Variants in ALG14 observed in about 807,000 individuals in gnomAD.
ALG14 encodes ALG14 UDP-N-acetylglucosaminyltransferase subunit, also known as UDP-N-acetylglucosamine transferase subunit ALG14.
A neutral mutation model predicts 22.8 loss-of-function variants in ALG14; 17 were observed. That is an observed-to-expected ratio of 0.75 (90% CI 0.51 to 1.12). The LOEUF (loss-of-function observed/expected upper bound fraction) is 1.12, where lower values mean the gene tolerates loss of function less well. Ranked by LOEUF, ALG14 falls within the 50% of genes most tolerant of loss-of-function variation. The pLI is 0.00. For synonymous variants in ALG14, 89 were observed against 103.7 expected (o/e 0.86, Z 0.86); for missense variants, 288 against 271.8 (o/e 1.06, Z -0.42).
rs894253584 is a variant in ALG14 at position 94,980,378 on chromosome 1, G to A, written c.*2698C>T. ...CTACTGAGACCTTTTAGGATAGCTG[G>A]ACTGTAGATAGAAATCTTCCAGGGA... On this transcript the variant is annotated 3_prime_UTR_variant, in exon 4 of 4. Coordinates refer to ENST00000370205, the MANE Select transcript of ALG14 (RefSeq NM_144988.4). 29 of 152,178 alleles carry A rather than the reference G, an allele frequency of 1.9e-4. No individual in the cohort carries two copies. The highest frequency in any genetic ancestry group is 6.3e-4 in the African/African-American group (26 of 41,450). The allele number at this position is 152,178 out of a possible 1,614,324, so 9.4% of individuals were successfully genotyped here.
intron 3 of ALG14, among the ~76,000 whole-genome samples, chr1:94,987,117 T>C (rs1039847439): frequency 1.3e-5 from 2 of 152,124 alleles, no homozygotes; most frequent in African/African-American, 4.8e-5. Context: ...AGCTTGAGAA[T>C]GAAGCCATCA....
At chr1:95,020,954 A>G (rs983818870) in intron 3 of ALG14, among the ~76,000 whole-genome samples, 7 of 152,234 alleles carry the variant, frequency 4.6e-5, no homozygotes, top group Non-Finnish European at 8.8e-5. Flanking sequence ...CTTCAATTAA[A>G]GAAATAAAGC....
At chr1:95,057,272 G>C (rs1674967668) in intron 2 of ALG14, among the ~76,000 whole-genome samples, 1 of 151,476 alleles carries the variant, frequency 6.6e-6, no homozygotes, top group Admixed American at 6.6e-5. Context: ...TAGTCCTCCA[G>C]ATCTATGGGT....
chr1:95,046,852 CTT>C lies in ALG14; in HGVS notation c.288+18012_288+18013del, dbSNP rs369370722. Among the ~76,000 whole-genome samples the C allele has an allele frequency of 4.6e-4, 70 of 152,286 alleles. 1 individual carries two copies. In the East Asian group the frequency reaches 0.012, roughly 26 times the overall value. Reference sequence around the variant, plus strand: ...GTGGCTTACGCCTGTAATCTCAACACTTTGGGAGGCTGAGGTGGGTGGATAGC... The same window carrying C: ...GTGGCTTACGCCTGTAATCTCAACACTGGGAGGCTGAGGTGGGTGGATAGC... On this transcript the variant is annotated intron_variant, in intron 2 of 3. Coordinates refer to ENST00000370205, the MANE Select transcript of ALG14 (RefSeq NM_144988.4).
chr1:95,007,488 C>T lies in ALG14; in HGVS notation c.420+19641G>A, dbSNP rs1379417717. 2.0e-5 allele frequency among the ~76,000 whole-genome samples: 3 copies of T among 152,260 alleles called. No individual in the cohort carries two copies. In the East Asian group the frequency reaches 5.8e-4, roughly 29 times the overall value. The stretch of plus-strand genomic sequence containing the variant: ...TTGAATCTGGTATGTATCTGGAAAA[C>T]CTCTGCATTCCTGCACGTCTAGTGA... On this transcript the variant is annotated intron_variant, in intron 3 of 3. Coordinates refer to ENST00000370205, the MANE Select transcript of ALG14 (RefSeq NM_144988.4).
chr1:94,997,089 C>T (rs1311003685), intron 3 of ALG14, among the ~76,000 whole-genome samples: 1 of 152,172 alleles, frequency 6.6e-6, no homozygotes, highest in Admixed American at 6.5e-5. Context: ...AGGGAGGTGG[C>T]GGGTGGCAAA....
chr1:94,981,021 A>C lies in ALG14; in HGVS notation c.*2055T>G, dbSNP rs893085952. The C allele has an allele frequency of 2.0e-5, 3 of 152,240 alleles. No individual in the cohort carries two copies. Among genetic ancestry groups the C allele is most frequent in the South Asian group, 4.1e-4 (2 of 4,830 alleles). 9.4% of individuals were successfully genotyped at this position (152,240 alleles called of 1,614,324 possible). A position where few individuals can be genotyped will look rare whatever the true frequency, so the allele number is the denominator to read the frequency against. On this transcript the variant is annotated 3_prime_UTR_variant, in exon 4 of 4. Transcript: ENST00000370205. ...TGTGGGGGCCCAGGGAAGCTGCCCC[A>C]CAGCACAGAGAGGCATTCACTAAAC...
chr1:94,974,777 A>G lies in ALG14; in HGVS notation c.*8299T>C, dbSNP rs111706010. 9 of 152,198 alleles carry G rather than the reference A, an allele frequency of 5.9e-5. No individual in the cohort carries two copies. The highest frequency in any genetic ancestry group is 2.2e-4 in the African/African-American group (9 of 41,444). 9.4% of individuals were successfully genotyped at this position (152,198 alleles called of 1,614,324 possible). Reference sequence around the variant, plus strand: ...TTCCAAAACTTCGTGGTGGAAAACTACTACCATTTAATCATGCCTATGAAC... The same window carrying G: ...TTCCAAAACTTCGTGGTGGAAAACTGCTACCATTTAATCATGCCTATGAAC... On this transcript the variant is annotated 3_prime_UTR_variant, in exon 4 of 4. Transcript: ENST00000370205.
At chr1:95,039,231 A>G (rs1330738142) in intron 2 of ALG14, among the ~76,000 whole-genome samples, 2 of 152,218 alleles carry the variant, frequency 1.3e-5, no homozygotes, top group Non-Finnish European at 2.9e-5. Flanking sequence ...GAAGCAACAT[A>G]GGGAACAACA....
intron 2 of ALG14, among the ~76,000 whole-genome samples, chr1:95,036,419 C>CTTTTTTT (rs35068075): frequency 7.0e-5 from 5 of 71,902 alleles, no homozygotes; most frequent in Non-Finnish European, 7.1e-5. Context: ...AATTAAACCT[C>CTTTTTTT]TTTTTTTTTT....
chr1:94,983,053 C>T lies in ALG14; in HGVS notation c.*23G>A. On this transcript the variant is annotated 3_prime_UTR_variant, in exon 4 of 4. Coordinates refer to ENST00000370205, the MANE Select transcript of ALG14 (RefSeq NM_144988.4). ...ACATACTACTGTTAACTGCAAAATT[C>T]TAAAGAAGTCAGTTGCCATTTGTCA... 1.2e-6 allele frequency: 2 copies of T among 1,608,824 alleles called. No homozygotes were observed. Among genetic ancestry groups the T allele is most frequent in the African/African-American group, 1.3e-5 (1 of 74,840 alleles).
chr1:95,038,781 T>A (rs1674285179), intron 2 of ALG14, among the ~76,000 whole-genome samples: 1 of 149,066 alleles, frequency 6.7e-6, no homozygotes, highest in African/African-American at 2.5e-5. Context: ...AGCAGCGGCA[T>A]GATCATGACT....
chr1:95,019,209 C>T (rs1259562915), intron 3 of ALG14, among the ~76,000 whole-genome samples: 1 of 152,172 alleles, frequency 6.6e-6, no homozygotes, highest in East Asian at 1.9e-4. Flanking sequence ...CTTTTTATGG[C>T]AGAATATGGA....
rs1675296390 is a variant in ALG14, at chr1:95,064,768, T to C, written c.288+98A>G. On this transcript the variant is annotated intron_variant, in intron 2 of 3. Transcript: ENST00000370205. ...CACCAGCAAACATTTGACTGCCCAT[T>C]GTGGGTAGGGCACTGAAGTGCCATG... 3 of 1,068,068 alleles carry C rather than the reference T, an allele frequency of 2.8e-6. No individual in the cohort carries two copies. In the Admixed American group the frequency reaches 7.6e-5, roughly 27 times the overall value. The allele number at this position is 1,068,068 out of a possible 1,614,324, so 66.2% of individuals were successfully genotyped here.
At chr1:95,026,165 C>T (rs1017305800) in intron 3 of ALG14, among the ~76,000 whole-genome samples, 8 of 152,160 alleles carry the variant, frequency 5.3e-5, no homozygotes, top group African/African-American at 1.9e-4. Context: ...ATCTCCTAAC[C>T]TTGTGATCCG....
intron 2 of ALG14, among the ~76,000 whole-genome samples, chr1:95,053,156 T>TA (rs1306041089): frequency 1.3e-5 from 2 of 152,002 alleles, no homozygotes; most frequent in Non-Finnish European, 1.5e-5. Flanking sequence ...AAAAGACACA[T>TA]AAAAAATGCA....
intron 2 of ALG14, among the ~76,000 whole-genome samples, chr1:95,039,137 T>C (rs1674302562): frequency 6.6e-6 from 1 of 152,192 alleles, no homozygotes; most frequent in Non-Finnish European, 1.5e-5. Flanking sequence ...GTGAAGGGTC[T>C]TCTTGCCAGA....
intron 2 of ALG14, among the ~76,000 whole-genome samples, chr1:95,028,925 C>A (rs906897707): frequency 1.3e-5 from 2 of 152,122 alleles, no homozygotes; most frequent in Non-Finnish European, 2.9e-5. Context: ...AAATTTGCAA[C>A]AAGAAAGTGA....
At chr1:94,996,946 G>C (rs1217215542) in intron 3 of ALG14, among the ~76,000 whole-genome samples, 1 of 152,168 alleles carries the variant, frequency 6.6e-6, no homozygotes, top group Non-Finnish European at 1.5e-5. Context: ...GCATCCCAAA[G>C]TGCTGGTATT....
Sources: allele counts gnomAD v4.1 joint callset (sites outside exome capture counted in the v4.1 genomes callset), GRCh38; gene constraint gnomAD v4.1.1; transcripts MANE v1.5; gene names NCBI Gene and HGNC (gene_info 2026-07-23, HGNC 2026-07-21).